CADM2: variants seen among roughly 807,000 people sequenced by gnomAD.
CADM2 encodes the protein immunoglobulin superfamily member 4D.
CADM2 carries 12 observed loss-of-function variants against 49.8 expected under a neutral mutation model. That is an observed-to-expected ratio of 0.24 (90% CI 0.15 to 0.39). The LOEUF (loss-of-function observed/expected upper bound fraction) is 0.39, where lower values mean the gene tolerates loss of function less well. Ranked by LOEUF, CADM2 falls within the 10% of genes least tolerant of loss-of-function variation. CADM2 has a pLI of 1.00. For synonymous variants in CADM2, 214 were observed against 175.4 expected (o/e 1.22, Z -1.74); for missense variants, 378 against 492.3 (o/e 0.77, Z 2.20).
At chr3:85,330,531 A>G (rs2044887891) in intron 1 of CADM2, among the ~76,000 whole-genome samples, 3 of 152,272 alleles carry the variant, frequency 2.0e-5, no homozygotes, top group South Asian at 2.1e-4. Flanking sequence ...ATTCCTTTCT[A>G]CACTGCCCAG....
chr3:85,590,237 T>G (rs1047332938), intron 1 of CADM2, among the ~76,000 whole-genome samples: 1 of 151,916 alleles, frequency 6.6e-6, no homozygotes, highest in East Asian at 1.9e-4. Context: ...CTAGTAAAAC[T>G]TATACAGAAG....
chr3:85,350,521 C>T (rs1335487205), intron 1 of CADM2, among the ~76,000 whole-genome samples: 2 of 152,080 alleles, frequency 1.3e-5, no homozygotes, highest in African/African-American at 2.4e-5. Flanking sequence ...TCATCTTTTC[C>T]TATTCCAAAT....
At chr3:85,601,124 A>ATG (rs10663541) in intron 1 of CADM2, among the ~76,000 whole-genome samples, 5,112 of 60,680 alleles carry the variant, frequency 0.084, 182 homozygotes, top group African/African-American at 0.12. Context: ...GCATTTATAT[A>ATG]TGTGTGTATA....
chr3:85,583,288 A>C (rs544425564), intron 1 of CADM2, among the ~76,000 whole-genome samples: 86 of 152,190 alleles, frequency 5.7e-4, no homozygotes, highest in South Asian at 2.1e-3. Context: ...TTGTATAAAT[A>C]ATTTTTGAGA....
chr3:85,399,360 G>A (rs910583306), intron 1 of CADM2, among the ~76,000 whole-genome samples: 17 of 151,974 alleles, frequency 1.1e-4, no homozygotes, highest in Admixed American at 5.2e-4. Flanking sequence ...CTCTTTTTTC[G>A]TACCAGTACC....
chr3:85,298,983 C>T (rs1335702088), intron 1 of CADM2, among the ~76,000 whole-genome samples: 1 of 151,996 alleles, frequency 6.6e-6, no homozygotes, highest in African/African-American at 2.4e-5. Flanking sequence ...ATCCCTTATC[C>T]TCAGCATATT....
intron 1 of CADM2, among the ~76,000 whole-genome samples, chr3:84,988,483 CA>C (rs1340523136): frequency 6.6e-6 from 1 of 152,092 alleles, no homozygotes; most frequent in Non-Finnish European, 1.5e-5. Context: ...TAGCAGATAG[CA>C]AAAAATCTGT....
At chr3:85,829,733 C>A (rs1424818953) in intron 3 of CADM2, among the ~76,000 whole-genome samples, 1 of 151,954 alleles carries the variant, frequency 6.6e-6, no homozygotes, top group African/African-American at 2.4e-5. Context: ...TGAGTTCAAA[C>A]GTGAAATTTC....
At chr3:85,098,857 C>A (rs2037905119) in intron 1 of CADM2, among the ~76,000 whole-genome samples, 1 of 152,160 alleles carries the variant, frequency 6.6e-6, no homozygotes, top group Admixed American at 6.5e-5. Flanking sequence ...GCAGTTCAAA[C>A]CTGAGTTGTT....
intron 1 of CADM2, among the ~76,000 whole-genome samples, chr3:85,257,332 T>G (rs1289773938): frequency 6.6e-6 from 1 of 152,128 alleles, no homozygotes; most frequent in Non-Finnish European, 1.5e-5. Flanking sequence ...TAAGACAAAT[T>G]AATGATTTTA....
At chr3:85,630,257 A>G (rs900292634) in intron 1 of CADM2, among the ~76,000 whole-genome samples, 11 of 151,980 alleles carry the variant, frequency 7.2e-5, no homozygotes, top group Non-Finnish European at 1.2e-4. Flanking sequence ...TTTTCCCAGT[A>G]TCCTGAGATC....
chr3:85,404,074 A>G (rs2035253619), intron 1 of CADM2, among the ~76,000 whole-genome samples: 1 of 152,152 alleles, frequency 6.6e-6, no homozygotes, highest in African/African-American at 2.4e-5. Flanking sequence ...AAGTAGCCAA[A>G]TTAACAAAAA....
chr3:85,414,362 AT>A (rs1358475216), intron 1 of CADM2, among the ~76,000 whole-genome samples: 2 of 152,210 alleles, frequency 1.3e-5, no homozygotes, highest in African/African-American at 4.8e-5. Context: ...GAAGAAAAAA[AT>A]AATCGAGAGA....
chr3:85,528,959 G>T (rs1322175716), intron 1 of CADM2, among the ~76,000 whole-genome samples: 2 of 152,038 alleles, frequency 1.3e-5, no homozygotes, highest in Admixed American at 6.6e-5. Context: ...GAAATAGTTA[G>T]CTTTATTAAA....
intron 1 of CADM2, among the ~76,000 whole-genome samples, chr3:85,454,128 G>T (rs1467865979): frequency 6.6e-6 from 1 of 152,102 alleles, no homozygotes; most frequent in Non-Finnish European, 1.5e-5. Context: ...GCCGAGACGG[G>T]CAGATCACCT....
At chr3:85,777,712 T>A (rs978464656) in intron 2 of CADM2, among the ~76,000 whole-genome samples, 4 of 152,340 alleles carry the variant, frequency 2.6e-5, no homozygotes, top group Non-Finnish European at 4.4e-5. Flanking sequence ...ACTGGCATTA[T>A]TTAATAGAAG....
rs185554664 is a variant in CADM2, at chr3:85,598,328, C to T, written c.62-128194C>T. Among the ~76,000 whole-genome samples the T allele has an allele frequency of 2.2e-5, 3 of 133,996 alleles. No homozygotes were observed. In the Admixed American group the frequency reaches 2.3e-4, roughly 10 times the overall value. The allele number at this position is 133,996 out of a possible 152,430, so 87.9% of individuals were successfully genotyped here. A position where few individuals can be genotyped will look rare whatever the true frequency, so the allele number is the denominator to read the frequency against. On this transcript the variant is annotated intron_variant, in intron 1 of 9. Coordinates refer to ENST00000383699, the MANE Select transcript of CADM2 (RefSeq NM_001167675.2). Reference sequence around the variant, plus strand: ...CTGGAGACCTAGAAACGTGAAGAAACCCTGAAATGTATCTAAAAATAAGCA... The same window carrying T: ...CTGGAGACCTAGAAACGTGAAGAAATCCTGAAATGTATCTAAAAATAAGCA...
At chr3:85,164,001 A>G (rs1375935233) in intron 1 of CADM2, among the ~76,000 whole-genome samples, 1 of 151,998 alleles carries the variant, frequency 6.6e-6, no homozygotes, top group Non-Finnish European at 1.5e-5. Flanking sequence ...ATATTTTTAA[A>G]TGTCCAGAAT....
At chr3:85,599,540 AT>A (rs1292933364) in intron 1 of CADM2, among the ~76,000 whole-genome samples, 1 of 151,872 alleles carries the variant, frequency 6.6e-6, no homozygotes, top group African/African-American at 2.4e-5. Flanking sequence ...ATTCCTTCTT[AT>A]TTCATTTTCC....
Sources: allele counts gnomAD v4.1 joint callset (sites outside exome capture counted in the v4.1 genomes callset), GRCh38; gene constraint gnomAD v4.1.1; transcripts MANE v1.5; gene names NCBI Gene and HGNC (gene_info 2026-07-23, HGNC 2026-07-21).